The following CCDC178 variants were observed in gnomAD, a reference collection of about 807,000 sequenced individuals.
The protein encoded by CCDC178 is coiled-coil domain containing 178, also known as coiled-coil domain-containing protein 178.
A neutral mutation model predicts 117.4 loss-of-function variants in CCDC178; 126 were observed. That is an observed-to-expected ratio of 1.07 (90% CI 0.93 to 1.24). The LOEUF (loss-of-function observed/expected upper bound fraction) is 1.24. Among genes scored for constraint, CCDC178 ranks in the 50% most tolerant of loss-of-function variants. The pLI is 0.00. For synonymous variants in CCDC178, 283 were observed against 313.4 expected (o/e 0.90, Z 1.02); for missense variants, 1,030 against 986.9 (o/e 1.04, Z -0.59).
chr18:33,433,739 C>T (rs1180615328), intron 2 of CCDC178, among the ~76,000 whole-genome samples: 1 of 151,842 alleles, frequency 6.6e-6, no homozygotes, highest in Non-Finnish European at 1.5e-5. Flanking sequence ...AACAGTAAAG[C>T]GCCTTAATAG....
At chr18:32,976,337 C>A (rs1380654987) in intron 21 of CCDC178, among the ~76,000 whole-genome samples, 1 of 152,032 alleles carries the variant, frequency 6.6e-6, no homozygotes, top group Non-Finnish European at 1.5e-5. Flanking sequence ...TGTATGTTCA[C>A]AACTACATAA....
intron 20 of CCDC178, among the ~76,000 whole-genome samples, chr18:33,104,361 CATT>C (rs1323704281): frequency 1.3e-5 from 2 of 151,740 alleles, no homozygotes; most frequent in Non-Finnish European, 2.9e-5. Context: ...AATCTGTCAT[CATT>C]AATAGTTACC....
chr18:33,411,992 G>T lies in CCDC178; in HGVS notation c.58+39C>A, dbSNP rs780646612. 9 of 1,023,902 alleles carry T rather than the reference G, an allele frequency of 8.8e-6. No homozygotes were observed. In the South Asian group the frequency reaches 1.2e-4, roughly 14 times the overall value. 63.4% of individuals were successfully genotyped at this position (1,023,902 alleles called of 1,614,324 possible). ...AGTGATGTGAATTCCATTTATCTAT[G>T]AACTATTTTCAAAGAAAATCAATTT... On this transcript the variant is annotated intron_variant, in intron 3 of 22. Coordinates refer to ENST00000383096, the MANE Select transcript of CCDC178 (RefSeq NM_001105528.4).
At chr18:33,407,090 C>T (rs574851278) in intron 3 of CCDC178, among the ~76,000 whole-genome samples, 125 of 152,226 alleles carry the variant, frequency 8.2e-4, no homozygotes, top group Non-Finnish European at 1.5e-3. Flanking sequence ...CATGCTTAAA[C>T]ACATAATTCT....
chr18:33,320,066 T>A (rs2062483684), intron 11 of CCDC178, among the ~76,000 whole-genome samples: 1 of 152,094 alleles, frequency 6.6e-6, no homozygotes, highest in Non-Finnish European at 1.5e-5. Flanking sequence ...AAACTCTCAA[T>A]AAATTAGGTA....
intron 22 of CCDC178, among the ~76,000 whole-genome samples, chr18:32,974,192 A>G (rs1370622096): frequency 6.6e-6 from 1 of 152,202 alleles, no homozygotes; most frequent in Non-Finnish European, 1.5e-5. Flanking sequence ...ATTTTCACTG[A>G]AGTGGATTTT....
intron 21 of CCDC178, among the ~76,000 whole-genome samples, chr18:32,980,194 AT>A (rs2055119842): frequency 4.6e-5 from 7 of 152,134 alleles, no homozygotes; most frequent in African/African-American, 1.7e-4. Context: ...ACCACATTTA[AT>A]TTTTTTAAGT....
At chr18:33,218,410 A>T (rs561572010) in intron 18 of CCDC178, among the ~76,000 whole-genome samples, 1 of 152,052 alleles carries the variant, frequency 6.6e-6, no homozygotes, top group Non-Finnish European at 1.5e-5. Context: ...TTGCCTGTTC[A>T]CTCTGATGGT....
At chr18:33,094,644 T>C (rs931263227) in intron 20 of CCDC178, among the ~76,000 whole-genome samples, 3 of 151,872 alleles carry the variant, frequency 2.0e-5, no homozygotes, top group African/African-American at 7.2e-5. Flanking sequence ...GGAACTTAAT[T>C]GGGGAAATAT....
At chr18:33,193,026 G>C (rs1160170899) in intron 20 of CCDC178, among the ~76,000 whole-genome samples, 1 of 151,580 alleles carries the variant, frequency 6.6e-6, no homozygotes, top group Non-Finnish European at 1.5e-5. Context: ...TTGGGAGGCC[G>C]AGGCAGGCGG....
chr18:33,213,798 T>C (rs1005352816), intron 19 of CCDC178, among the ~76,000 whole-genome samples: 3 of 151,974 alleles, frequency 2.0e-5, no homozygotes, highest in Non-Finnish European at 4.4e-5. Flanking sequence ...TAAATGAGGG[T>C]CAAGGATGGC....
chr18:33,035,284 G>C (rs2056422270), intron 21 of CCDC178, among the ~76,000 whole-genome samples: 1 of 151,882 alleles, frequency 6.6e-6, no homozygotes, highest in Non-Finnish European at 1.5e-5. Context: ...TAGAAAAACA[G>C]AAAAGCAGAA....
At chr18:33,272,992 T>C (rs1000134707) in intron 12 of CCDC178, among the ~76,000 whole-genome samples, 3 of 151,218 alleles carry the variant, frequency 2.0e-5, no homozygotes, top group Non-Finnish European at 3.0e-5. Context: ...TTTGCTCTTA[T>C]TGTCTTTTTT....
At chr18:33,302,396 G>A (rs746597622) in intron 11 of CCDC178, among the ~76,000 whole-genome samples, 2 of 152,058 alleles carry the variant, frequency 1.3e-5, no homozygotes, top group African/African-American at 2.4e-5. Flanking sequence ...TAAAAATAAG[G>A]AGCTCTTCTA....
intron 21 of CCDC178, among the ~76,000 whole-genome samples, chr18:33,053,976 A>G (rs2056786947): frequency 6.6e-6 from 1 of 152,200 alleles, no homozygotes; most frequent in Non-Finnish European, 1.5e-5. Flanking sequence ...TAGTTTTCAT[A>G]TACTATTTAT....
intron 21 of CCDC178, among the ~76,000 whole-genome samples, chr18:33,032,985 A>G (rs1042427899): frequency 8.6e-5 from 13 of 151,950 alleles, no homozygotes; most frequent in African/African-American, 3.1e-4. Flanking sequence ...AATGTCATGC[A>G]CCTTTCTGCC....
At chr18:33,171,529 T>C (rs1310126536) in intron 20 of CCDC178, among the ~76,000 whole-genome samples, 1 of 152,194 alleles carries the variant, frequency 6.6e-6, no homozygotes, top group African/African-American at 2.4e-5. Context: ...AGAAGAGATT[T>C]TATATTACCT....
intron 21 of CCDC178, among the ~76,000 whole-genome samples, chr18:33,035,219 G>T (rs2056420638): frequency 6.6e-6 from 1 of 151,890 alleles, no homozygotes; most frequent in African/African-American, 2.4e-5. Context: ...GGTAGAGTCT[G>T]GATACATGGA....
intron 20 of CCDC178, among the ~76,000 whole-genome samples, chr18:33,137,123 T>C (rs970960716): frequency 2.6e-5 from 4 of 152,146 alleles, no homozygotes; most frequent in Non-Finnish European, 4.4e-5. Context: ...ATCTGGAAGT[T>C]TGAAATATTC....
Sources: allele counts gnomAD v4.1 joint callset (sites outside exome capture counted in the v4.1 genomes callset), GRCh38; gene constraint gnomAD v4.1.1; transcripts MANE v1.5; gene names NCBI Gene and HGNC (gene_info 2026-07-23, HGNC 2026-07-21).